COL13A1: variants seen among roughly 807,000 people sequenced by gnomAD.
The protein encoded by COL13A1 is collagen alpha-1(XIII) chain.
COL13A1 carries 89 observed loss-of-function variants against 130.9 expected under a neutral mutation model. That is an observed-to-expected ratio of 0.68 (90% CI 0.57 to 0.81). The LOEUF is 0.81. Among genes scored for constraint, COL13A1 ranks in the 30% least tolerant of loss-of-function variants. COL13A1 has a pLI of 0.00. For synonymous variants in COL13A1, 402 were observed against 341.6 expected, an observed-to-expected ratio of 1.18 and a Z score of -1.95; for missense variants, 879 against 934.6, an observed-to-expected ratio of 0.94 and a Z score of 0.78.
At chr10:69,922,576 T>A (rs1209446258) in intron 22 of COL13A1, 132 bp from the exon 23 acceptor site, 1 of 548,582 alleles carries the variant, frequency 1.8e-6, no homozygotes. Flanking sequence ...CACAGCTGGA[T>A]CAGATAAATC....
intron 1 of COL13A1, among the ~76,000 whole-genome samples, chr10:69,812,637 C>G (rs972201648): frequency 6.6e-6 from 1 of 152,226 alleles, no homozygotes. Context: ...CTTGGCCCCT[C>G]TCTGTCTTAG....
At chr10:69,939,561 T>G (rs1000806247) in intron 34 of COL13A1, among the ~76,000 whole-genome samples, 4 of 152,236 alleles carry the variant, frequency 2.6e-5, no homozygotes, top group African/African-American at 9.6e-5. Context: ...GGATGTTTTA[T>G]TCTATGTAGT....
chr10:69,827,216 G>A (rs2132775717), intron 2 of COL13A1, among the ~76,000 whole-genome samples: 1 of 152,182 alleles, frequency 6.6e-6, no homozygotes, highest in East Asian at 1.9e-4. Flanking sequence ...CTGGAGCTCA[G>A]AGCAGTAATG....
chr10:69,904,351 T>TAGACCAGACTC (rs1409212047), intron 15 of COL13A1, among the ~76,000 whole-genome samples: 3 of 151,208 alleles, frequency 2.0e-5, no homozygotes, highest in Non-Finnish European at 2.9e-5. Context: ...CCAATTGCAA[T>TAGACCAGACTC]AGACCAGACT....
intron 35 of COL13A1, among the ~76,000 whole-genome samples, chr10:69,941,228 G>C (rs1231800523): frequency 6.6e-6 from 1 of 152,202 alleles, no homozygotes; most frequent in Non-Finnish European, 1.5e-5. Context: ...GAATGCCCCT[G>C]TCCACAGAAT....
At chr10:69,884,286 G>A (rs560172887) in intron 7 of COL13A1, among the ~76,000 whole-genome samples, 71 of 152,314 alleles carry the variant, frequency 4.7e-4, no homozygotes, top group African/African-American at 1.6e-3. Flanking sequence ...AATCGGCTAT[G>A]GTGGGTGTAT....
At chr10:69,868,530 T>C (rs2058753264) in intron 3 of COL13A1, among the ~76,000 whole-genome samples, 1 of 152,122 alleles carries the variant, frequency 6.6e-6, no homozygotes. Flanking sequence ...GCCTTTGATA[T>C]CCCAACAAAA....
rs755429577 is a variant in COL13A1 at position 69,875,012 on chromosome 10, C to T, written c.400-116C>T. 2.0e-4 allele frequency: 249 copies of T among 1,258,650 alleles called. 1 individual carries two copies. The highest frequency in any genetic ancestry group is 2.6e-4 in the Non-Finnish European group (231 of 871,808). 78.0% of individuals were successfully genotyped at this position (1,258,650 alleles called of 1,614,324 possible). A position where few individuals can be genotyped will look rare whatever the true frequency, so the allele number is the denominator to read the frequency against. On this transcript the variant is annotated intron_variant, in intron 4 of 40. Coordinates refer to ENST00000645393, the MANE Select transcript of COL13A1 (RefSeq NM_001368882.1). ...TGGGCATCATACGGGATGTCGTCCC[C>T]GCTGCAAACTGGGTTAGCTGTGCCC...
At chr10:69,872,039 C>A (rs2059121774) in intron 3 of COL13A1, 145 bp from the exon 4 acceptor site, 3 of 902,054 alleles carry the variant, frequency 3.3e-6, no homozygotes, top group Admixed American at 2.1e-5. Context: ...CCTTAGCGAT[C>A]AAGGCTCCCC....
chr10:69,817,864 G>A (rs1278383833), intron 1 of COL13A1, among the ~76,000 whole-genome samples: 1 of 152,100 alleles, frequency 6.6e-6, no homozygotes, highest in Non-Finnish European at 1.5e-5. Flanking sequence ...GGAGATCTGT[G>A]GGCAGAGTGT....
intron 5 of COL13A1, among the ~76,000 whole-genome samples, chr10:69,875,437 GC>G (rs1465856541): frequency 6.6e-6 from 1 of 152,196 alleles, no homozygotes; most frequent in Non-Finnish European, 1.5e-5. Context: ...AAAGCCCTTT[GC>G]CAGTCACCTG....
chr10:69,940,736 A>T (rs192274006), intron 34 of COL13A1, among the ~76,000 whole-genome samples: 5 of 152,282 alleles, frequency 3.3e-5, no homozygotes, highest in Non-Finnish European at 7.4e-5. Context: ...GCAGGTGGCC[A>T]TCTGCGCCGA....
chr10:69,831,353 C>T (rs1227761), intron 2 of COL13A1, among the ~76,000 whole-genome samples: 60,096 of 152,040 alleles, frequency 0.4, 12,149 homozygotes, highest in Middle Eastern at 0.44. Context: ...CTCTGAAGCG[C>T]CCTTGCTCTT....
intron 4 of COL13A1, among the ~76,000 whole-genome samples, chr10:69,874,263 C>G (rs1462003154): frequency 6.6e-6 from 1 of 152,214 alleles, no homozygotes; most frequent in Admixed American, 6.5e-5. Flanking sequence ...TTAGCAGACG[C>G]AGAGTCACCC....
chr10:69,932,055 C>A (rs1364659651), intron 30 of COL13A1, among the ~76,000 whole-genome samples: 1 of 152,038 alleles, frequency 6.6e-6, no homozygotes, highest in East Asian at 1.9e-4. Context: ...CCCTCCCCAC[C>A]TCCCGCAGAG....
chr10:69,906,457 G>A (rs545647790), intron 17 of COL13A1, among the ~76,000 whole-genome samples: 1 of 152,232 alleles, frequency 6.6e-6, no homozygotes, highest in Non-Finnish European at 1.5e-5. Flanking sequence ...GGGCTGGGGG[G>A]CCCTGTTCTC....
intron 31 of COL13A1, among the ~76,000 whole-genome samples, chr10:69,934,405 C>T (rs919321990): frequency 2.6e-5 from 4 of 152,176 alleles, no homozygotes; most frequent in East Asian, 1.9e-4. Flanking sequence ...TGTGATGGAG[C>T]GACAAAGTCC....
At position 69,857,431 on chromosome 10, in the gene COL13A1, G is replaced by A. The variant is rs559972556; in HGVS notation, c.365-10367G>A. Among the ~76,000 whole-genome samples, 9 of 152,304 alleles carry A rather than the reference G, an allele frequency of 5.9e-5. No individual in the cohort carries two copies. The South Asian group carries it at 8.3e-4, about 14-fold the overall frequency. On this transcript the variant is annotated intron_variant, in intron 2 of 40. Coordinates refer to ENST00000645393, the MANE Select transcript of COL13A1 (RefSeq NM_001368882.1). Reference sequence around the variant, plus strand: ...GGCCTGGTACTGGTTCAGAGCAAGCGAAGTGTCCTCTGAATTGACAGCTGC... The same window carrying A: ...GGCCTGGTACTGGTTCAGAGCAAGCAAAGTGTCCTCTGAATTGACAGCTGC...
intron 2 of COL13A1, among the ~76,000 whole-genome samples, chr10:69,860,509 C>G (rs1013042769): frequency 6.6e-6 from 1 of 152,220 alleles, no homozygotes; most frequent in African/African-American, 2.4e-5. Context: ...CAACCCTTAG[C>G]CTTTCAGGTT....
Sources: gnomAD v4.1 joint callset for allele counts (sites outside exome capture counted in the v4.1 genomes callset) on GRCh38, gnomAD v4.1.1 for gene constraint, MANE v1.5 for transcripts, NCBI Gene and HGNC (gene_info 2026-07-23, HGNC 2026-07-21) for gene names.